The following SETBP1 variants were observed in gnomAD, a reference collection of about 807,000 sequenced individuals.
SETBP1 encodes SET binding protein 1, also known as SET-binding protein.
SETBP1 carries 9 observed loss-of-function variants against 101.0 expected under a neutral mutation model. The observed-to-expected ratio is 0.09, with a 90% CI of 0.05 to 0.16. The LOEUF (loss-of-function observed/expected upper bound fraction) is 0.16. Ranked by LOEUF, SETBP1 falls within the 10% of genes least tolerant of loss-of-function variation. SETBP1 has a pLI of 1.00. For missense variants in SETBP1, 1,858 were observed against 2,033.8 expected, an observed-to-expected ratio of 0.91 and a Z score of 1.66; for synonymous variants, 818 against 788.5, an observed-to-expected ratio of 1.04 and a Z score of -0.63.
intron 3 of SETBP1, among the ~76,000 whole-genome samples, chr18:44,942,224 G>C (rs2071103367): frequency 6.6e-6 from 1 of 151,992 alleles, no homozygotes; most frequent in African/African-American, 2.4e-5. Context: ...TGAATGCCTG[G>C]GATATTCATT....
intron 2 of SETBP1, among the ~76,000 whole-genome samples, chr18:44,733,529 G>A (rs535499014): frequency 1.3e-5 from 2 of 152,238 alleles, no homozygotes; most frequent in South Asian, 4.1e-4. Flanking sequence ...AACTCCACCA[G>A]GCCCATGCAA....
intron 2 of SETBP1, among the ~76,000 whole-genome samples, chr18:44,788,294 A>G (rs2071288031): frequency 6.6e-6 from 1 of 152,100 alleles, no homozygotes; most frequent in African/African-American, 2.4e-5. Flanking sequence ...TAGAGAGGGA[A>G]GGTATATTTT....
intron 4 of SETBP1, among the ~76,000 whole-genome samples, chr18:45,003,765 G>A (rs1216835116): frequency 6.6e-6 from 1 of 151,870 alleles, no homozygotes; most frequent in East Asian, 1.9e-4. Context: ...AGTTGCATAG[G>A]CACCCAAATG....
At chr18:44,868,238 ATTGT>A (rs369727737) in intron 2 of SETBP1, among the ~76,000 whole-genome samples, 52 of 152,300 alleles carry the variant, frequency 3.4e-4, no homozygotes, top group African/African-American at 1.2e-3. Flanking sequence ...GTTGTATATG[ATTGT>A]TTGAAGTATA....
At chr18:45,016,088 G>C (rs569695944) in intron 4 of SETBP1, among the ~76,000 whole-genome samples, 4 of 152,158 alleles carry the variant, frequency 2.6e-5, no homozygotes, top group Non-Finnish European at 5.9e-5. Context: ...AATACAGCCC[G>C]TACATGATAG....
chr18:44,968,587 G>A (rs535082002), intron 4 of SETBP1, among the ~76,000 whole-genome samples: 1 of 152,178 alleles, frequency 6.6e-6, no homozygotes, highest in Non-Finnish European at 1.5e-5. Flanking sequence ...CAAAGGAATG[G>A]CATAGTGATC....
At chr18:44,835,612 C>T (rs1042706536) in intron 2 of SETBP1, among the ~76,000 whole-genome samples, 15 of 152,122 alleles carry the variant, frequency 9.9e-5, no homozygotes, top group African/African-American at 3.1e-4. Flanking sequence ...ACATTTAATA[C>T]GTCTAAGAAT....
intron 3 of SETBP1, among the ~76,000 whole-genome samples, chr18:44,910,960 T>C (rs530051877): frequency 6.6e-6 from 1 of 152,330 alleles, no homozygotes; most frequent in East Asian, 1.9e-4. Context: ...GCCAGGGAAA[T>C]TGTGGGTATC....
intron 2 of SETBP1, among the ~76,000 whole-genome samples, chr18:44,703,372 T>C (rs2069154070): frequency 4.5e-5 from 5 of 110,684 alleles, no homozygotes. Context: ...TTTTTTTTTT[T>C]TTTTTTTTTT....
At chr18:44,800,227 C>T (rs773431982) in intron 2 of SETBP1, among the ~76,000 whole-genome samples, 8 of 152,104 alleles carry the variant, frequency 5.3e-5, no homozygotes, top group Admixed American at 2.6e-4. Context: ...TGGTGGCTAC[C>T]GTCTTAGCCC....
At chr18:44,961,283 A>G (rs572881753) in intron 4 of SETBP1, among the ~76,000 whole-genome samples, 14 of 152,378 alleles carry the variant, frequency 9.2e-5, no homozygotes, top group Admixed American at 9.1e-4. Flanking sequence ...GAAGATGCAG[A>G]GTTTATGGAG....
intron 2 of SETBP1, among the ~76,000 whole-genome samples, chr18:44,760,134 C>A (rs2068006958): frequency 6.6e-6 from 1 of 152,172 alleles, no homozygotes; most frequent in Non-Finnish European, 1.5e-5. Flanking sequence ...TCCTATCAGA[C>A]CTTTGCTTAG....
At chr18:44,905,443 T>TA (rs2070151615) in intron 3 of SETBP1, among the ~76,000 whole-genome samples, 2 of 152,328 alleles carry the variant, frequency 1.3e-5, no homozygotes, top group South Asian at 4.1e-4. Context: ...ACACAGCTCC[T>TA]AGCACTATGT....
At chr18:45,032,919 A>G (rs1305085296) in intron 4 of SETBP1, among the ~76,000 whole-genome samples, 1 of 152,190 alleles carries the variant, frequency 6.6e-6, no homozygotes, top group East Asian at 1.9e-4. Context: ...CCCTTATGCT[A>G]CAGAAAAATT....
intron 3 of SETBP1, among the ~76,000 whole-genome samples, chr18:44,948,569 TG>T (rs1375340237): frequency 1.3e-5 from 2 of 151,696 alleles, no homozygotes; most frequent in South Asian, 4.2e-4. Flanking sequence ...TCTAAATTCA[TG>T]AAGCCAGTCA....
intron 3 of SETBP1, among the ~76,000 whole-genome samples, chr18:44,893,499 G>A (rs1239852314): frequency 1.3e-5 from 2 of 152,158 alleles, no homozygotes; most frequent in Admixed American, 6.5e-5. Context: ...TCTAGCTGGT[G>A]CACATAGTTA....
rs758216315 is a variant in SETBP1, at chr18:44,953,107, T to C, written c.3767T>C (p.Val1256Ala). 1.2e-6 allele frequency: 2 copies of C among 1,614,128 alleles called. No individual in the cohort carries two copies. The highest frequency in any genetic ancestry group is 1.7e-6 in the Non-Finnish European group (2 of 1,180,022). ...KEKGDLSSEP[V>A]DSCTKRYSGS... Reference sequence around the variant, plus strand: ...AAAGGAGACTTGAGCAGTGAGCCTGTGGACTCATGCACGAAAAGATACTCT... The same window carrying C: ...AAAGGAGACTTGAGCAGTGAGCCTGCGGACTCATGCACGAAAAGATACTCT... The change falls in exon 4 of 6, where the codon GTG (valine) becomes GCG (alanine). Residue 1256 changes from valine to alanine, a missense_variant. Physicochemically the swap from Val to Ala is moderately conservative, Grantham distance 64. Transcript: ENST00000649279.
At chr18:44,961,581 A>G (rs1158606441) in intron 4 of SETBP1, among the ~76,000 whole-genome samples, 1 of 152,192 alleles carries the variant, frequency 6.6e-6, no homozygotes, top group Non-Finnish European at 1.5e-5. Flanking sequence ...ATAGGCCTTA[A>G]GTCTAAGTTT....
At chr18:44,908,312 A>G (rs1367894080) in intron 3 of SETBP1, among the ~76,000 whole-genome samples, 3 of 151,710 alleles carry the variant, frequency 2.0e-5, no homozygotes, top group Admixed American at 2.0e-4. Context: ...CGGCCTCCCA[A>G]AGTGCTGGGA....
Sources: allele counts gnomAD v4.1 joint callset (sites outside exome capture counted in the v4.1 genomes callset), GRCh38; gene constraint gnomAD v4.1.1; transcripts MANE v1.5; gene names NCBI Gene and HGNC (gene_info 2026-07-23, HGNC 2026-07-21).